Variants in SLC24A2 observed in about 807,000 individuals in gnomAD.
The protein encoded by SLC24A2 is solute carrier family 24 member 2.
A neutral mutation model predicts 62.0 loss-of-function variants in SLC24A2; 36 were observed. The observed-to-expected ratio is 0.58, with a 90% CI of 0.44 to 0.77. The LOEUF (loss-of-function observed/expected upper bound fraction) is 0.77. Among genes scored for constraint, SLC24A2 ranks in the 30% least tolerant of loss-of-function variants. The pLI, the probability that SLC24A2 is intolerant of heterozygous loss-of-function variation, is 0.00. For missense variants in SLC24A2, 846 were observed against 817.9 expected (o/e 1.03, Z -0.42); for synonymous variants, 358 against 294.0 (o/e 1.22, Z -2.23).
chr9:20,306,922 T>C, the SLC24A2 span, among the ~76,000 whole-genome samples: 37 of 152,270 alleles, frequency 2.4e-4, no homozygotes, highest in African/African-American at 8.9e-4. Context: ...GGTCTCAAAC[T>C]CCTGACCTCA....
intron 2 of SLC24A2, among the ~76,000 whole-genome samples, chr9:19,754,646 ATT>A (rs5896863): frequency 0.21 from 29,784 of 143,664 alleles, 3,117 homozygotes; most frequent in South Asian, 0.27. Context: ...TCATGGGAGG[ATT>A]TTTTTTTTTT....
At chr9:19,882,818 A>T in the SLC24A2 span, among the ~76,000 whole-genome samples, 4 of 152,190 alleles carry the variant, frequency 2.6e-5, no homozygotes, top group Non-Finnish European at 1.5e-5. Context: ...TAAAAATGTC[A>T]TCTTTTAATA....
At chr9:19,712,564 T>C (rs1820745148) in intron 2 of SLC24A2, among the ~76,000 whole-genome samples, 1 of 152,142 alleles carries the variant, frequency 6.6e-6, no homozygotes, top group African/African-American at 2.4e-5. Flanking sequence ...GCAGGAGTCT[T>C]GCCTGTTACC....
At chr9:20,069,055 T>C in the SLC24A2 span, among the ~76,000 whole-genome samples, 1 of 49,990 alleles carries the variant, frequency 2.0e-5, no homozygotes, top group African/African-American at 7.7e-5. Context: ...AAACTACTCT[T>C]GTTTTTCCTA....
At chr9:19,843,129 GT>G in the SLC24A2 span, among the ~76,000 whole-genome samples, 1 of 151,964 alleles carries the variant, frequency 6.6e-6, no homozygotes, top group South Asian at 2.1e-4. Context: ...ATGCAGCCAG[GT>G]TTTTTTTAAA....
chr9:19,641,965 C>T (rs1297950275), intron 2 of SLC24A2, among the ~76,000 whole-genome samples: 1 of 152,114 alleles, frequency 6.6e-6, no homozygotes, highest in Non-Finnish European at 1.5e-5. Context: ...ATAAAATCAG[C>T]ATCAGCCTCA....
chr9:19,947,477 G>A, the SLC24A2 span, among the ~76,000 whole-genome samples: 1 of 151,768 alleles, frequency 6.6e-6, no homozygotes, highest in Non-Finnish European at 1.5e-5. Flanking sequence ...AGGCAGGAAG[G>A]AAGGAAAGAA....
intron 5 of SLC24A2, among the ~76,000 whole-genome samples, chr9:19,595,785 G>C (rs536390017): frequency 6.6e-6 from 1 of 152,296 alleles, no homozygotes; most frequent in Non-Finnish European, 1.5e-5. Flanking sequence ...GTAATGGACA[G>C]GATGGAGGAA....
the SLC24A2 span, among the ~76,000 whole-genome samples, chr9:20,175,017 T>TA: frequency 1.5e-3 from 223 of 147,876 alleles, no homozygotes; most frequent in African/African-American, 3.7e-3. Flanking sequence ...TCTGAATTTT[T>TA]TATATATATA....
At chr9:19,720,225 T>C (rs757851088) in intron 2 of SLC24A2, among the ~76,000 whole-genome samples, 33 of 152,308 alleles carry the variant, frequency 2.2e-4, no homozygotes, top group South Asian at 2.1e-4. Context: ...ATTTGTAATT[T>C]ATTATTATCT....
chr9:19,521,865 TTTTTTTTTC>T (rs1049586520), intron 9 of SLC24A2, among the ~76,000 whole-genome samples: 23 of 71,960 alleles, frequency 3.2e-4, no homozygotes, highest in African/African-American at 1.4e-3. Flanking sequence ...ACTTTTTTTC[TTTTTTTTTC>T]TTTTTTTTTT....
the SLC24A2 span, among the ~76,000 whole-genome samples, chr9:19,993,358 AT>A: frequency 6.6e-6 from 1 of 152,234 alleles, no homozygotes; most frequent in Admixed American, 6.5e-5. Context: ...AAAGAATAGA[AT>A]ATATAAACTC....
At chr9:20,146,151 T>A in the SLC24A2 span, among the ~76,000 whole-genome samples, 1 of 152,030 alleles carries the variant, frequency 6.6e-6, no homozygotes, top group Admixed American at 6.6e-5. Context: ...AAATGTAGAG[T>A]CCCAGAAATA....
At chr9:20,039,690 G>A in the SLC24A2 span, among the ~76,000 whole-genome samples, 1 of 152,064 alleles carries the variant, frequency 6.6e-6, no homozygotes, top group African/African-American at 2.4e-5. Context: ...GAGGTACTGG[G>A]CACAGGGGAA....
chr9:20,059,248 GAGA>G, the SLC24A2 span, among the ~76,000 whole-genome samples: 29 of 152,306 alleles, frequency 1.9e-4, no homozygotes, highest in Admixed American at 4.6e-4. Context: ...AACATTTAGA[GAGA>G]AGATCAGCAA....
At chr9:19,530,505 G>C (rs1833651641) in intron 8 of SLC24A2, among the ~76,000 whole-genome samples, 1 of 152,128 alleles carries the variant, frequency 6.6e-6, no homozygotes, top group African/African-American at 2.4e-5. Context: ...ACCTCTGCCT[G>C]TTTATTCTTT....
chr9:19,729,574 G>C (rs1470730052), intron 2 of SLC24A2, among the ~76,000 whole-genome samples: 4 of 152,176 alleles, frequency 2.6e-5, no homozygotes, highest in Non-Finnish European at 4.4e-5. Flanking sequence ...CAGCAATGTG[G>C]ATGGAACTTG....
At chr9:20,222,084 A>T in the SLC24A2 span, among the ~76,000 whole-genome samples, 1 of 152,094 alleles carries the variant, frequency 6.6e-6, no homozygotes, top group South Asian at 2.1e-4. Context: ...AAAGTAGGCT[A>T]AGATCTTGTT....
the SLC24A2 span, among the ~76,000 whole-genome samples, chr9:20,215,658 A>G: frequency 9.8e-3 from 1,484 of 152,018 alleles, 27 homozygotes; most frequent in African/African-American, 0.033. Flanking sequence ...TTCTTGTACT[A>G]TTTCTATCAG....
Sources: allele counts gnomAD v4.1 joint callset (sites outside exome capture counted in the v4.1 genomes callset), GRCh38; gene constraint gnomAD v4.1.1; transcripts MANE v1.5; gene names NCBI Gene and HGNC (gene_info 2026-07-23, HGNC 2026-07-21).